The following SNX18 variants were observed in gnomAD, a reference collection of about 807,000 sequenced individuals.
SNX18 encodes the protein sorting nexin 18, also known as sorting nexin-18.
A neutral mutation model predicts 48.7 loss-of-function variants in SNX18; 35 were observed. The observed-to-expected ratio is 0.72, with a 90% confidence interval of 0.55 to 0.95. The LOEUF (loss-of-function observed/expected upper bound fraction) is 0.95, where lower values mean the gene tolerates loss of function less well. SNX18 is among the 40% of genes least tolerant of loss of function. The pLI, the probability that SNX18 is intolerant of heterozygous loss-of-function variation, is 0.00. For missense variants in SNX18, 824 were observed against 871.0 expected, an observed-to-expected ratio of 0.95 and a Z score of 0.68; for synonymous variants, 492 against 384.7, an observed-to-expected ratio of 1.28 and a Z score of -3.26.
intron 1 of SNX18, among the ~76,000 whole-genome samples, chr5:54,531,590 C>A (rs1762253206): frequency 6.6e-6 from 1 of 152,152 alleles, no homozygotes; most frequent in Non-Finnish European, 1.5e-5. Context: ...TATTTTAAAA[C>A]TTGATACAAT....
At chr5:54,585,101 G>A in the SNX18 span, among the ~76,000 whole-genome samples, 1 of 152,126 alleles carries the variant, frequency 6.6e-6, no homozygotes, top group Admixed American at 6.5e-5. Flanking sequence ...AGACCAGCCA[G>A]GGCAACATAG....
At chr5:54,585,378 G>A in the SNX18 span, among the ~76,000 whole-genome samples, 1 of 142,498 alleles carries the variant, frequency 7.0e-6, no homozygotes, top group African/African-American at 2.6e-5. Flanking sequence ...AGGAGGAATT[G>A]GCAACACAGA....
Position 54,546,064 on chromosome 5 carries a change from G to T in SNX18, c.*2632G>T, listed in dbSNP as rs1041689966. The T allele has an allele frequency of 6.6e-6, 1 of 152,158 alleles. No homozygotes were observed. Among genetic ancestry groups the T allele is most frequent in the Non-Finnish European group, 1.5e-5 (1 of 68,038 alleles). 9.4% of individuals were successfully genotyped at this position (152,158 alleles called of 1,614,324 possible). On this transcript the variant is annotated 3_prime_UTR_variant, in exon 2 of 2. Coordinates refer to ENST00000381410, the MANE Select transcript of SNX18 (RefSeq NM_001102575.2). Reference sequence around the variant, plus strand: ...CCCGTCCAAGCTGTTGTATCTGAAGGTACCCAGTTTGCACCCAGGATGAGG... The same window carrying T: ...CCCGTCCAAGCTGTTGTATCTGAAGTTACCCAGTTTGCACCCAGGATGAGG...
At chr5:54,641,524 T>C in the SNX18 span, among the ~76,000 whole-genome samples, 4 of 152,288 alleles carry the variant, frequency 2.6e-5, no homozygotes, top group Admixed American at 2.0e-4. Flanking sequence ...GGGATCTTCC[T>C]ACAAACCTAG....
At chr5:54,582,422 T>G in the SNX18 span, among the ~76,000 whole-genome samples, 1 of 152,192 alleles carries the variant, frequency 6.6e-6, no homozygotes, top group African/African-American at 2.4e-5. Flanking sequence ...AGTTGTAACA[T>G]GTTTTTTAAT....
the SNX18 span, among the ~76,000 whole-genome samples, chr5:54,567,360 C>A: frequency 6.6e-6 from 1 of 151,624 alleles, no homozygotes; most frequent in Admixed American, 6.6e-5. Context: ...AGAGGTGGAG[C>A]GTGAAGGATC....
chr5:54,581,707 T>C, the SNX18 span, among the ~76,000 whole-genome samples: 3 of 152,238 alleles, frequency 2.0e-5, no homozygotes, highest in East Asian at 3.8e-4. Context: ...TGCTGGAAAC[T>C]GATTAGTTCT....
In SNX18 at chr5:54,528,351, A is replaced by G. The variant is rs146344823; in HGVS notation, c.1621+8778A>G. Among the ~76,000 whole-genome samples the G allele has an allele frequency of 4.6e-3, 694 of 152,246 alleles. 3 individuals carry two copies. Among genetic ancestry groups the G allele is most frequent in the African/African-American group, 0.015 (619 of 41,556 alleles). On this transcript the variant is annotated intron_variant, in intron 1 of 1. Transcript: ENST00000381410. ...GAAGGCCCACTCAGTTCCTTGAGAG[A>G]GGTAGAATGTGTGCACAGAGGACTG...
chr5:54,523,169 TTTTTC>T (rs1383201948), intron 1 of SNX18, among the ~76,000 whole-genome samples: 6 of 152,304 alleles, frequency 3.9e-5, no homozygotes, highest in Admixed American at 2.6e-4. Flanking sequence ...CTTGATTTTT[TTTTTC>T]TTAAGTGATA....
Position 54,517,873 on chromosome 5 carries a change from CG to C in SNX18, c.-79del. Reference sequence around the variant, plus strand: ...GGGCTCCAGTCCGCGCGCCAGGGCTCGAGCAGTACCGCGGGCCCCTCAGGTG... The same window carrying C: ...GGGCTCCAGTCCGCGCGCCAGGGCTCAGCAGTACCGCGGGCCCCTCAGGTG... On this transcript the variant is annotated 5_prime_UTR_variant, in exon 1 of 2. Coordinates refer to ENST00000381410, the MANE Select transcript of SNX18 (RefSeq NM_001102575.2). The C allele has an allele frequency of 2.9e-6, 4 of 1,361,152 alleles. No homozygotes were observed. Among genetic ancestry groups the C allele is most frequent in the Non-Finnish European group, 3.8e-6 (4 of 1,060,042 alleles). The allele number at this position is 1,361,152 out of a possible 1,614,324, so 84.3% of individuals were successfully genotyped here.
intron 1 of SNX18, among the ~76,000 whole-genome samples, chr5:54,534,402 A>G (rs908281768): frequency 3.3e-5 from 5 of 151,964 alleles, no homozygotes; most frequent in African/African-American, 1.2e-4. Context: ...ATGGGGTTGG[A>G]CTGGGAGCTC....
chr5:54,603,739 C>T, the SNX18 span, among the ~76,000 whole-genome samples: 6 of 152,154 alleles, frequency 3.9e-5, no homozygotes, highest in Non-Finnish European at 8.8e-5. Context: ...GAAAAACGTC[C>T]TCCATTCTTA....
At chr5:54,563,036 T>C in the SNX18 span, among the ~76,000 whole-genome samples, 6 of 152,124 alleles carry the variant, frequency 3.9e-5, no homozygotes, top group Admixed American at 1.3e-4. Context: ...AGAATAAGAA[T>C]ATTAAAAAAG....
the SNX18 span, among the ~76,000 whole-genome samples, chr5:54,557,158 C>T: frequency 1.3e-5 from 2 of 152,234 alleles, no homozygotes; most frequent in East Asian, 1.9e-4. Context: ...TCTAATACAC[C>T]GATTAACTTA....
chr5:54,575,119 G>T, the SNX18 span, among the ~76,000 whole-genome samples: 1 of 152,126 alleles, frequency 6.6e-6, no homozygotes, highest in African/African-American at 2.4e-5. Flanking sequence ...GGGTCAGAAA[G>T]GTGTTCTGGC....
Position 54,545,655 on chromosome 5 carries a change from T to G in SNX18, c.*2223T>G, listed in dbSNP as rs1368443040. On this transcript the variant is annotated 3_prime_UTR_variant, in exon 2 of 2. Transcript: ENST00000381410. Reference sequence around the variant, plus strand: ...TATAATGCCACTGATTCATACGGGATTTACATTAATTCTATGGGGGAGGAC... The same window carrying G: ...TATAATGCCACTGATTCATACGGGAGTTACATTAATTCTATGGGGGAGGAC... 6.6e-6 allele frequency: 1 copy of G among 152,172 alleles called. No individual in the cohort carries two copies. The highest frequency in any genetic ancestry group is 1.5e-5 in the Non-Finnish European group (1 of 68,030). 9.4% of individuals were successfully genotyped at this position (152,172 alleles called of 1,614,324 possible).
chr5:54,611,378 C>T, the SNX18 span, among the ~76,000 whole-genome samples: 2 of 152,050 alleles, frequency 1.3e-5, no homozygotes, highest in African/African-American at 2.4e-5. Flanking sequence ...GTCTCCTGAA[C>T]ATGACTTTGA....
chr5:54,611,932 C>T, the SNX18 span, among the ~76,000 whole-genome samples: 4 of 151,366 alleles, frequency 2.6e-5, no homozygotes, highest in African/African-American at 9.7e-5. Context: ...GGCTGGAGTG[C>T]AGTAGCACAA....
the SNX18 span, among the ~76,000 whole-genome samples, chr5:54,563,133 TA>T: frequency 6.6e-6 from 1 of 152,096 alleles, no homozygotes. Flanking sequence ...TTAAATAAAG[TA>T]AAAAAGTTAC....
Sources: allele counts gnomAD v4.1 joint callset (sites outside exome capture counted in the v4.1 genomes callset), GRCh38; gene constraint gnomAD v4.1.1; transcripts MANE v1.5; gene names NCBI Gene and HGNC (gene_info 2026-07-23, HGNC 2026-07-21).